The following ARIH2 variants were observed in gnomAD, a reference collection of about 807,000 sequenced individuals.
The protein encoded by ARIH2 is ariadne RBR E3 ubiquitin protein ligase 2.
Under a neutral mutation model 79.8 loss-of-function variants are expected in ARIH2, and 12 were observed. The ratio of observed to expected loss-of-function variants is 0.15; its 90% CI spans 0.10 to 0.24. The LOEUF is 0.24. Ranked by LOEUF, ARIH2 falls within the 10% of genes least tolerant of loss-of-function variation. The pLI, the probability that ARIH2 is intolerant of heterozygous loss-of-function variation, is 1.00. For synonymous variants in ARIH2, 224 were observed against 213.9 expected, an observed-to-expected ratio of 1.05 and a Z score of -0.41; for missense variants, 301 against 618.3, an observed-to-expected ratio of 0.49 and a Z score of 5.44.
chr3:48,948,731 A>C (rs879779969), intron 3 of ARIH2, among the ~76,000 whole-genome samples: 9 of 152,216 alleles, frequency 5.9e-5, no homozygotes, highest in Non-Finnish European at 1.3e-4. Context: ...CCTGTTCCCA[A>C]GTGACTACTG....
chr3:48,980,536 C>T (rs750342540), intron 13 of ARIH2, 40 bp downstream of exon 13: 3 of 1,605,242 alleles, frequency 1.9e-6, no homozygotes, highest in South Asian at 1.1e-5. Context: ...GGTCCAGTGC[C>T]TGGCTCCGTC....
intron 7 of ARIH2, among the ~76,000 whole-genome samples, chr3:48,968,900 C>T (rs897116378): frequency 1.3e-5 from 2 of 151,910 alleles, no homozygotes; most frequent in African/African-American, 2.4e-5. Flanking sequence ...CTTTTTTTTG[C>T]GTGTGTGACT....
intron 3 of ARIH2, among the ~76,000 whole-genome samples, chr3:48,940,303 G>A (rs376475579): frequency 1.3e-5 from 2 of 152,216 alleles, no homozygotes; most frequent in Admixed American, 1.3e-4. Context: ...CCGGGAGGTG[G>A]AGGTTGTGGT....
intron 3 of ARIH2, among the ~76,000 whole-genome samples, chr3:48,957,243 C>A (rs1171981646): frequency 6.6e-6 from 1 of 152,220 alleles, no homozygotes; most frequent in Non-Finnish European, 1.5e-5. Flanking sequence ...TGAGCACTAC[C>A]TAGTGTGTTA....
At chr3:48,980,791 T>C (rs1209663192) in intron 13 of ARIH2, among the ~76,000 whole-genome samples, 1 of 151,928 alleles carries the variant, frequency 6.6e-6, no homozygotes, top group Non-Finnish European at 1.5e-5. Flanking sequence ...AAATAAAAGA[T>C]TGTCTGATCA....
chr3:48,966,314 G>GT (rs983312928), intron 5 of ARIH2, among the ~76,000 whole-genome samples: 62 of 152,120 alleles, frequency 4.1e-4, no homozygotes, highest in African/African-American at 1.5e-3. Context: ...TTCTCAACTT[G>GT]TTTTTTTATA....
intron 9 of ARIH2, 56 bp downstream of exon 9, chr3:48,973,872 C>A: frequency 1.5e-6 from 2 of 1,341,910 alleles, no homozygotes; most frequent in Non-Finnish European, 2.1e-6. Flanking sequence ...TGCCCAGGGC[C>A]TTGCCTTGGA....
chr3:48,950,882 T>C (rs1349664837), intron 3 of ARIH2, among the ~76,000 whole-genome samples: 7 of 152,092 alleles, frequency 4.6e-5, no homozygotes, highest in African/African-American at 1.2e-4. Context: ...AGAAATACTT[T>C]TATGGCTCTT....
chr3:48,945,703 G>A (rs1280249277), intron 3 of ARIH2, among the ~76,000 whole-genome samples: 1 of 152,182 alleles, frequency 6.6e-6, no homozygotes, highest in African/African-American at 2.4e-5. Context: ...CTTGAATGCG[G>A]TGGAGGGGAA....
intron 3 of ARIH2, among the ~76,000 whole-genome samples, chr3:48,936,359 T>TA (rs1373228984): frequency 6.6e-6 from 1 of 152,214 alleles, no homozygotes; most frequent in Non-Finnish European, 1.5e-5. Flanking sequence ...CTTTATTTCT[T>TA]AAACTGACAT....
chr3:48,929,982 T>C (rs571054607), intron 3 of ARIH2, among the ~76,000 whole-genome samples: 1 of 152,302 alleles, frequency 6.6e-6, no homozygotes, highest in East Asian at 1.9e-4. Context: ...TGAAACAGTA[T>C]GAAAGGGTTA....
chr3:48,925,403 G>A (rs1201655309), intron 2 of ARIH2, among the ~76,000 whole-genome samples: 5 of 144,674 alleles, frequency 3.5e-5, no homozygotes, highest in African/African-American at 1.0e-4. Context: ...ATGAGCCACC[G>A]CGCCCAGCTG....
chr3:48,919,107 G>A (rs1326634198), intron 1 of ARIH2, 109 bp downstream of exon 1: 4 of 1,282,652 alleles, frequency 3.1e-6, no homozygotes, highest in Non-Finnish European at 3.9e-6. Context: ...CCGTCGCCCG[G>A]GAGGCCCGGG....
rs924145701 is a variant in ARIH2 at position 48,983,624 on chromosome 3, A to C, written c.*354A>C. 8.3e-6 allele frequency: 2 copies of C among 241,506 alleles called. No homozygotes were observed. Among genetic ancestry groups the C allele is most frequent in the Non-Finnish European group, 1.6e-5 (2 of 123,574 alleles). The allele number at this position is 241,506 out of a possible 1,614,324, so 15.0% of individuals were successfully genotyped here. ...AATTATACAAAAAAAAAAAAAAGGC[A>C]AACTATAGGATAACACAGAGCCCTT... On this transcript the variant is annotated 3_prime_UTR_variant, in exon 16 of 16. Coordinates refer to ENST00000356401, the MANE Select transcript of ARIH2 (RefSeq NM_006321.4).
intron 2 of ARIH2, among the ~76,000 whole-genome samples, chr3:48,923,457 GT>G (rs1250310675): frequency 2.5e-4 from 36 of 145,244 alleles, no homozygotes; most frequent in Admixed American, 1.2e-3. Context: ...AATTAATAGG[GT>G]TTTTTTTTTA....
chr3:48,964,728 T>G (rs2091608086), intron 4 of ARIH2, among the ~76,000 whole-genome samples, 191 bp from the exon 5 acceptor site: 2 of 152,206 alleles, frequency 1.3e-5, no homozygotes, highest in Admixed American at 1.3e-4. Flanking sequence ...TTTATATTTT[T>G]TATTATTCCT....
chr3:48,928,213 A>G (rs754145249), intron 3 of ARIH2, among the ~76,000 whole-genome samples: 7 of 152,212 alleles, frequency 4.6e-5, no homozygotes, highest in Non-Finnish European at 5.9e-5. Flanking sequence ...TTGAGAGTAT[A>G]CAGATCCCTC....
intron 3 of ARIH2, chr3:48,949,147 G>A (rs1218145869): frequency 1.8e-5 from 8 of 454,286 alleles, no homozygotes; most frequent in Non-Finnish European, 2.7e-5. Flanking sequence ...AGACGGAGTC[G>A]TGCTCTGTTG....
intron 5 of ARIH2, among the ~76,000 whole-genome samples, chr3:48,966,377 G>A (rs974071420): frequency 6.6e-6 from 1 of 152,104 alleles, no homozygotes; most frequent in South Asian, 2.1e-4. Flanking sequence ...CTTTTCCATT[G>A]GTTTGTGGTT....
Sources: allele counts gnomAD v4.1 joint callset (sites outside exome capture counted in the v4.1 genomes callset), GRCh38; gene constraint gnomAD v4.1.1; transcripts MANE v1.5; gene names NCBI Gene and HGNC (gene_info 2026-07-23, HGNC 2026-07-21).